The following JARID2 variants were observed in gnomAD, a reference collection of about 807,000 sequenced individuals.
The protein encoded by JARID2 is jumonji and AT-rich interaction domain containing 2.
A neutral mutation model predicts 125.6 loss-of-function variants in JARID2; 21 were observed. The observed-to-expected ratio is 0.17, with a 90% CI of 0.12 to 0.24. The LOEUF is 0.24. Ranked by LOEUF, JARID2 falls within the 10% of genes least tolerant of loss-of-function variation. JARID2 has a pLI of 1.00. For synonymous variants in JARID2, 736 were observed against 661.6 expected (o/e 1.11, Z -1.73); for missense variants, 1,303 against 1,639.6 (o/e 0.79, Z 3.55).
At chr6:15,266,851 G>A (rs973768836) in intron 1 of JARID2, among the ~76,000 whole-genome samples, 1 of 152,134 alleles carries the variant, frequency 6.6e-6, no homozygotes. Flanking sequence ...TAACAATCAG[G>A]GCGCCAGCTG....
intron 1 of JARID2, among the ~76,000 whole-genome samples, chr6:15,345,062 G>A (rs1267731074): frequency 6.6e-6 from 1 of 152,038 alleles, no homozygotes; most frequent in African/African-American, 2.4e-5. Flanking sequence ...TGGTTTCTAG[G>A]CTTAGGAATG....
chr6:15,440,820 A>G (rs181498668), intron 3 of JARID2, among the ~76,000 whole-genome samples: 5 of 152,340 alleles, frequency 3.3e-5, no homozygotes, highest in East Asian at 3.9e-4. Context: ...TTCATTAGCT[A>G]TTAGCAGATT....
In JARID2 at chr6:15,520,537, CT is replaced by C. The variant is rs201309875; in HGVS notation, c.*295del. The C allele has an allele frequency of 9.4e-4, 327 of 346,310 alleles. No individual in the cohort carries two copies. The highest frequency in any genetic ancestry group is 1.8e-3 in the East Asian group (29 of 16,356). The allele number at this position is 346,310 out of a possible 1,614,324, so 21.5% of individuals were successfully genotyped here. A position where few individuals can be genotyped will look rare whatever the true frequency, so the allele number is the denominator to read the frequency against. On this transcript the variant is annotated 3_prime_UTR_variant, in exon 18 of 18. Coordinates refer to ENST00000341776, the MANE Select transcript of JARID2 (RefSeq NM_004973.4). ...GTATTGCCCCATGGCTGACAAAAGC[CT>C]TTTTTTTTGGTTTTGATTTTTTTTT... is the stretch of plus-strand genomic sequence containing the variant.
At chr6:15,505,512 C>A (rs1170791526) in intron 9 of JARID2, among the ~76,000 whole-genome samples, 1 of 152,160 alleles carries the variant, frequency 6.6e-6, no homozygotes, top group Non-Finnish European at 1.5e-5. Flanking sequence ...AGCTGGTCAC[C>A]CTCCCTGGGT....
At chr6:15,427,877 G>C (rs1193199003) in intron 3 of JARID2, among the ~76,000 whole-genome samples, 2 of 152,008 alleles carry the variant, frequency 1.3e-5, no homozygotes, top group Non-Finnish European at 2.9e-5. Flanking sequence ...GGGGTTGTTA[G>C]ACATACCTTT....
intron 2 of JARID2, among the ~76,000 whole-genome samples, chr6:15,408,541 A>G (rs1431681942): frequency 6.6e-6 from 1 of 152,184 alleles, no homozygotes; most frequent in Non-Finnish European, 1.5e-5. Flanking sequence ...ATCAGTAAAG[A>G]TATTATTTAA....
chr6:15,488,686 A>C (rs188847123), intron 6 of JARID2, among the ~76,000 whole-genome samples: 2 of 152,302 alleles, frequency 1.3e-5, no homozygotes, highest in African/African-American at 4.8e-5. Flanking sequence ...GACTATAGTC[A>C]CACATAGGCA....
intron 3 of JARID2, among the ~76,000 whole-genome samples, chr6:15,423,288 A>G (rs1268519217): frequency 6.6e-6 from 1 of 152,082 alleles, no homozygotes; most frequent in Non-Finnish European, 1.5e-5. Context: ...GTGAGCCACT[A>G]TGCCTGGCCT....
chr6:15,457,005 G>A (rs913186627), intron 4 of JARID2, among the ~76,000 whole-genome samples: 1 of 150,554 alleles, frequency 6.6e-6, no homozygotes, highest in East Asian at 2.0e-4. Context: ...ATCTCCCAGA[G>A]ACGACCGCTG....
chr6:15,510,670 ACT>A (rs1358565315), intron 12 of JARID2, among the ~76,000 whole-genome samples: 77 of 151,714 alleles, frequency 5.1e-4, no homozygotes, highest in African/African-American at 1.4e-3. Flanking sequence ...AACACGTAAA[ACT>A]CTCCAGTGGG....
chr6:15,332,935 CTTTTTTTT>C (rs33921682), intron 1 of JARID2, among the ~76,000 whole-genome samples: 5 of 42,168 alleles, frequency 1.2e-4, no homozygotes, highest in Middle Eastern at 0.019. Context: ...CTTTTCTTTT[CTTTTTTTT>C]TTTTTTTTTT....
intron 2 of JARID2, among the ~76,000 whole-genome samples, chr6:15,393,166 A>C (rs1341234495): frequency 6.6e-6 from 1 of 151,970 alleles, no homozygotes; most frequent in African/African-American, 2.4e-5. Context: ...TCTTTCAGCT[A>C]TCCTCATGGT....
rs1349875486 is a variant in JARID2 at position 15,413,023 on chromosome 6, G to GT, written c.323+2671dup. Among the ~76,000 whole-genome samples the GT allele has an allele frequency of 9.4e-4, 64 of 68,020 alleles. 3 individuals carry two copies. The highest frequency in any genetic ancestry group is 2.3e-3 in the South Asian group (5 of 2,136). The allele number at this position is 68,020 out of a possible 152,430, so 44.6% of individuals were successfully genotyped here. A position where few individuals can be genotyped will look rare whatever the true frequency, so the allele number is the denominator to read the frequency against. On this transcript the variant is annotated intron_variant, in intron 3 of 17. Transcript: ENST00000341776. Reference sequence around the variant, plus strand: ...TTGTGTTTTTGTTTTTTTTTTTTTTGTTTTTTTTTTTTTGAGACTGAGTTT... The same window carrying GT: ...TTGTGTTTTTGTTTTTTTTTTTTTTGTTTTTTTTTTTTTTGAGACTGAGTTT...
intron 2 of JARID2, among the ~76,000 whole-genome samples, chr6:15,392,432 C>T (rs1765057054): frequency 6.6e-6 from 1 of 152,094 alleles, no homozygotes; most frequent in Non-Finnish European, 1.5e-5. Context: ...GATTCACCTT[C>T]TGTCCGACTT....
At chr6:15,439,336 T>A (rs768140540) in intron 3 of JARID2, among the ~76,000 whole-genome samples, 2 of 152,220 alleles carry the variant, frequency 1.3e-5, no homozygotes, top group Non-Finnish European at 2.9e-5. Context: ...CCTGCTGTTA[T>A]GTTTTATTAG....
chr6:15,444,988 C>T (rs1290408571), intron 3 of JARID2, among the ~76,000 whole-genome samples: 1 of 151,994 alleles, frequency 6.6e-6, no homozygotes, highest in Non-Finnish European at 1.5e-5. Flanking sequence ...CACGCCATGC[C>T]CTTCTTGGGT....
chr6:15,452,612 T>TA (rs755717539), intron 4 of JARID2, among the ~76,000 whole-genome samples: 42 of 152,302 alleles, frequency 2.8e-4, no homozygotes, highest in South Asian at 1.0e-3. Context: ...ATGAGGGACT[T>TA]ACGGTTCTCT....
chr6:15,320,848 C>CTGTGTGTGTGTGTGTG (rs764906403), intron 1 of JARID2, among the ~76,000 whole-genome samples: 2 of 135,136 alleles, frequency 1.5e-5, no homozygotes, highest in African/African-American at 5.6e-5. Flanking sequence ...TTCTCTCTCT[C>CTGTGTGTGTGTGTGTG]TCTCTGTGTG....
chr6:15,462,251 G>C (rs62395418), intron 4 of JARID2, among the ~76,000 whole-genome samples: 1 of 152,198 alleles, frequency 6.6e-6, no homozygotes, highest in Non-Finnish European at 1.5e-5. Flanking sequence ...AAATGAATGC[G>C]AATTGGGAAA....
Sources: gnomAD v4.1 joint callset for allele counts (sites outside exome capture counted in the v4.1 genomes callset) on GRCh38, gnomAD v4.1.1 for gene constraint, MANE v1.5 for transcripts, NCBI Gene and HGNC (gene_info 2026-07-23, HGNC 2026-07-21) for gene names.